Variants in CRIPT observed in about 807,000 individuals in gnomAD.
CRIPT encodes the protein cysteine-rich PDZ-binding protein.
Under a neutral mutation model 16.6 loss-of-function variants are expected in CRIPT, and 20 were observed. The observed-to-expected ratio is 1.20, with a 90% CI of 0.85 to 1.75. The LOEUF is 1.75. Among genes scored for constraint, CRIPT ranks in the 40% most tolerant of loss-of-function variants. CRIPT has a pLI of 0.00. For missense variants in CRIPT, 133 were observed against 115.3 expected (o/e 1.15, Z -0.70); for synonymous variants, 42 against 37.0 (o/e 1.14, Z -0.49).
chr2:46,622,008 G>A (rs1189802602), intron 3 of CRIPT, among the ~76,000 whole-genome samples: 1 of 152,158 alleles, frequency 6.6e-6, no homozygotes, highest in Non-Finnish European at 1.5e-5. Context: ...AGTATTGCTT[G>A]GAATCTATGG....
intron 1 of CRIPT, 131 bp downstream of exon 1, chr2:46,617,429 C>A: frequency 9.4e-7 from 1 of 1,066,070 alleles, no homozygotes. Context: ...TCTTTCTACC[C>A]TACCCTTTGA....
intron 3 of CRIPT, among the ~76,000 whole-genome samples, chr2:46,621,164 C>G (rs1045719988): frequency 6.6e-6 from 1 of 152,202 alleles, no homozygotes; most frequent in Non-Finnish European, 1.5e-5. Context: ...AGTTCCTTTG[C>G]TTAAAATCCG....
rs986188010 is a variant in CRIPT at position 46,619,645 on chromosome 2, T to A, written c.101T>A (p.Leu34Gln). 2 of 1,611,622 alleles carry A rather than the reference T, an allele frequency of 1.2e-6. No individual in the cohort carries two copies. Among genetic ancestry groups the A allele is most frequent in the Admixed American group, 1.7e-5 (1 of 59,730 alleles). ...GATACAGAAAGTGGTGGAAGAAAGC[T>A]GAATGAAAATAAAGCTTTGACTTCA... ...RNTTESGGRK[L>Q]NENKALTSKK... The change falls in exon 3 of 5, where the codon CTG becomes CAG. Residue 34 changes from leucine to glutamine, a missense_variant. Physicochemically the swap from Leu to Gln is moderately radical, Grantham distance 113. Coordinates refer to ENST00000238892, the MANE Select transcript of CRIPT (RefSeq NM_014171.6).
chr2:46,621,553 AGATT>A (rs1253663585), intron 3 of CRIPT, among the ~76,000 whole-genome samples: 1 of 152,176 alleles, frequency 6.6e-6, no homozygotes, highest in Non-Finnish European at 1.5e-5. Context: ...TTGTTTTATT[AGATT>A]GTCTGTTTCC....
rs1385509264 is a variant in CRIPT, at chr2:46,617,237, G to A, written c.-46G>A. On this transcript the variant is annotated 5_prime_UTR_variant, in exon 1 of 5. Coordinates refer to ENST00000238892, the MANE Select transcript of CRIPT (RefSeq NM_014171.6). ...GTTGTAGTGTTGTTGTTTTCAGCCTGCTGCTGCTGCTGCTGTTGCGGCTAG... is the reference window on the plus strand; with the variant it reads ...GTTGTAGTGTTGTTGTTTTCAGCCTACTGCTGCTGCTGCTGTTGCGGCTAG... The A allele has an allele frequency of 2.2e-6, 3 of 1,347,746 alleles. No homozygotes were observed. Among genetic ancestry groups the A allele is most frequent in the Non-Finnish European group, 3.0e-6 (3 of 993,176 alleles). The allele number at this position is 1,347,746 out of a possible 1,614,324, so 83.5% of individuals were successfully genotyped here. A position where few individuals can be genotyped will look rare whatever the true frequency, so the allele number is the denominator to read the frequency against.
In CRIPT at chr2:46,629,551, T is replaced by C. The variant is rs1278905917; in HGVS notation, c.*5324T>C. 6.6e-6 allele frequency among the ~76,000 whole-genome samples: 1 copy of C among 152,194 alleles called. No homozygotes were observed. Among genetic ancestry groups the C allele is most frequent in the East Asian group, 1.9e-4 (1 of 5,206 alleles). On this transcript the variant is annotated 3_prime_UTR_variant, in exon 5 of 5. Coordinates refer to ENST00000238892, the MANE Select transcript of CRIPT (RefSeq NM_014171.6). ...TTCTTTGTTTTTTATAATAGTAATA[T>C]ATTTGAAAAATACAGGACAGCTAAA...
intron 1 of CRIPT, among the ~76,000 whole-genome samples, chr2:46,617,779 G>C (rs1444443461): frequency 6.6e-6 from 1 of 152,048 alleles, no homozygotes; most frequent in Non-Finnish European, 1.5e-5. Context: ...GAAAATCAAC[G>C]TAAGTGCAAA....
chr2:46,626,314 A>G lies in CRIPT; in HGVS notation c.*2087A>G, dbSNP rs1670938333. Among the ~76,000 whole-genome samples the G allele has an allele frequency of 6.6e-6, 1 of 152,046 alleles. No individual in the cohort carries two copies. The highest frequency in any genetic ancestry group is 1.5e-5 in the Non-Finnish European group (1 of 68,014). On this transcript the variant is annotated 3_prime_UTR_variant, in exon 5 of 5. Transcript: ENST00000238892. The stretch of plus-strand genomic sequence containing the variant: ...AGTATTCTGTGGTGTATATGTACCA[A>G]TTTTCTTTATCCAGTCCACTATTAA...
Position 46,624,338 on chromosome 2 carries a change from AC to A in CRIPT, c.*113del. 1 of 619,778 alleles carries A rather than the reference AC, an allele frequency of 1.6e-6. No individual in the cohort carries two copies. The highest frequency in any genetic ancestry group is 2.5e-6 in the Non-Finnish European group (1 of 394,496). 38.4% of individuals were successfully genotyped at this position (619,778 alleles called of 1,614,324 possible). On this transcript the variant is annotated 3_prime_UTR_variant, in exon 5 of 5. Transcript: ENST00000238892. ...CATGTTTTAAGATAATTAAGTTTAA[AC>A]CAGAGAATTTGATTGTTACTCATTT... is the stretch of plus-strand genomic sequence containing the variant.
intron 3 of CRIPT, among the ~76,000 whole-genome samples, chr2:46,623,163 A>G (rs931757871): frequency 2.0e-5 from 3 of 152,342 alleles, no homozygotes; most frequent in East Asian, 1.9e-4. Context: ...ATTAAAGCGC[A>G]TAACTGTAGA....
rs1671010686 is a variant in CRIPT at position 46,629,036 on chromosome 2, A to G, written c.*4809A>G. Among the ~76,000 whole-genome samples, 2 of 152,352 alleles carry G rather than the reference A, an allele frequency of 1.3e-5. No individual in the cohort carries two copies. Among genetic ancestry groups the G allele is most frequent in the South Asian group, 4.1e-4 (2 of 4,830 alleles). On this transcript the variant is annotated 3_prime_UTR_variant, in exon 5 of 5. Coordinates refer to ENST00000238892, the MANE Select transcript of CRIPT (RefSeq NM_014171.6). The stretch of plus-strand genomic sequence containing the variant: ...GAAACAAATGCCAATAGAACACTTA[A>G]GTACATTTTATATATTCATCCATTA...
rs979820153 is a variant in CRIPT at position 46,625,143 on chromosome 2, C to A, written c.*916C>A. On this transcript the variant is annotated 3_prime_UTR_variant, in exon 5 of 5. Transcript: ENST00000238892. Reference sequence around the variant, plus strand: ...GGTGGAGTGCAGAGGTATCATCAGGCTCTCTGCAGCCTCCATCTGCTGGGC... The same window carrying A: ...GGTGGAGTGCAGAGGTATCATCAGGATCTCTGCAGCCTCCATCTGCTGGGC... 1.4e-5 allele frequency: 2 copies of A among 144,450 alleles called. No individual in the cohort carries two copies. The highest frequency in any genetic ancestry group is 7.0e-5 in the Admixed American group (1 of 14,206). The allele number at this position is 144,450 out of a possible 1,614,324, so 8.9% of individuals were successfully genotyped here. A position where few individuals can be genotyped will look rare whatever the true frequency, so the allele number is the denominator to read the frequency against.
intron 1 of CRIPT, 84 bp from the exon 2 acceptor site, chr2:46,618,689 A>G (rs1242385229): frequency 3.7e-6 from 3 of 820,588 alleles, no homozygotes; most frequent in Non-Finnish European, 4.0e-6. Flanking sequence ...TTGATAGTCG[A>G]TACCATTGTG....
In CRIPT at chr2:46,628,996, A is replaced by G. The variant is rs752898512; in HGVS notation, c.*4769A>G. Among the ~76,000 whole-genome samples, 1 of 152,260 alleles carries G rather than the reference A, an allele frequency of 6.6e-6. No individual in the cohort carries two copies. On this transcript the variant is annotated 3_prime_UTR_variant, in exon 5 of 5. Transcript: ENST00000238892. The stretch of plus-strand genomic sequence containing the variant: ...GAATCTGTTAAGATATCAGATTGTA[A>G]TATAAAAGATACTAGAAACAAATGC...
At chr2:46,619,729 G>C in intron 3 of CRIPT, 48 bp downstream of exon 3, 1 of 1,418,236 alleles carries the variant, frequency 7.1e-7, no homozygotes, top group Non-Finnish European at 9.9e-7. Context: ...CCTTCTTTTA[G>C]TATTAAGTCT....
Position 46,629,964 on chromosome 2 carries a change from A to C in CRIPT, c.*5737A>C, listed in dbSNP as rs1017203992. 2.0e-5 allele frequency among the ~76,000 whole-genome samples: 3 copies of C among 152,126 alleles called. No homozygotes were observed. The highest frequency in any genetic ancestry group is 7.2e-5 in the African/African-American group (3 of 41,412). On this transcript the variant is annotated 3_prime_UTR_variant, in exon 5 of 5. Coordinates refer to ENST00000238892, the MANE Select transcript of CRIPT (RefSeq NM_014171.6). ...CTAACTCTATTATTATTTCTGTATTAATTAGTCATCATTCTACTGTAAGGA... is the reference window on the plus strand; with the variant it reads ...CTAACTCTATTATTATTTCTGTATTCATTAGTCATCATTCTACTGTAAGGA...
At position 46,617,293 on chromosome 2, in the gene CRIPT, A is replaced by T. The variant is rs1179009721; in HGVS notation, c.11A>T (p.Glu4Val). Residue 4 changes from glutamate (E) to valine (V), a missense_variant, in exon 1 of 5, where the codon GAA (glutamate) becomes GTA (valine). Transcript: ENST00000238892. ...CCGTCGTGGGGAAGGATGGTGTGCG[A>T]AAAATGTGAGTTAAGGGGCCGCTTC... Reference protein sequence around the residue: MVCEKCEKKLGTVI... With the variant: MVCVKCEKKLGTVI... The T allele has an allele frequency of 6.4e-7, 1 of 1,555,416 alleles. No individual in the cohort carries two copies. The highest frequency in any genetic ancestry group is 8.7e-7 in the Non-Finnish European group (1 of 1,148,534).
intron 3 of CRIPT, among the ~76,000 whole-genome samples, chr2:46,621,789 G>A (rs151208576): frequency 9.2e-5 from 14 of 152,278 alleles, no homozygotes; most frequent in Non-Finnish European, 1.9e-4. Context: ...GCACATAATA[G>A]CATCTTTAAT....
Position 46,623,859 on chromosome 2 carries a change from A to T in CRIPT, c.233A>T (p.Tyr78Phe). ...PGSHYCQGCA[Y>F]KKGICAMCGK... ...TCTCATTACTGCCAGGGCTGTGCCT[A>T]CAAAAAAGGTAAGTTTCTTTTAATA... The change falls in exon 4 of 5, where the codon TAC (tyrosine) becomes TTC (phenylalanine). Residue 78 changes from tyrosine (Y) to phenylalanine (F), a missense_variant. By Grantham distance (22) the Tyr-to-Phe change is conservative (BLOSUM62 3). Coordinates refer to ENST00000238892, the MANE Select transcript of CRIPT (RefSeq NM_014171.6). 6.3e-7 allele frequency: 1 copy of T among 1,599,648 alleles called. No homozygotes were observed.
Sources: allele counts gnomAD v4.1 joint callset (sites outside exome capture counted in the v4.1 genomes callset), GRCh38; gene constraint gnomAD v4.1.1; transcripts MANE v1.5; gene names NCBI Gene and HGNC (gene_info 2026-07-23, HGNC 2026-07-21).